The following AOAH variants were observed in gnomAD, a reference collection of about 807,000 sequenced individuals.
AOAH encodes acyloxyacyl hydrolase (neutrophil).
AOAH carries 64 observed loss-of-function variants against 92.2 expected under a neutral mutation model. That is an observed-to-expected ratio of 0.69 (90% CI 0.57 to 0.86). The LOEUF (loss-of-function observed/expected upper bound fraction) is 0.86, where lower values mean the gene tolerates loss of function less well. AOAH is among the 40% of genes least tolerant of loss of function. AOAH has a pLI of 0.00. For missense variants in AOAH, 656 were observed against 694.6 expected (o/e 0.94, Z 0.62); for synonymous variants, 263 against 254.5 (o/e 1.03, Z -0.32).
At chr7:36,545,482 T>C (rs1044266339) in intron 15 of AOAH, among the ~76,000 whole-genome samples, 1 of 152,190 alleles carries the variant, frequency 6.6e-6, no homozygotes, top group African/African-American at 2.4e-5. Flanking sequence ...GCCTGCAACC[T>C]GTCAGTGCCT....
intron 5 of AOAH, among the ~76,000 whole-genome samples, chr7:36,634,441 C>A (rs942411062): frequency 6.6e-6 from 1 of 152,162 alleles, no homozygotes; most frequent in African/African-American, 2.4e-5. Context: ...TCACGTACCC[C>A]CTGCTTGCTC....
At chr7:36,691,764 T>C (rs1320597189) in intron 1 of AOAH, among the ~76,000 whole-genome samples, 2 of 152,222 alleles carry the variant, frequency 1.3e-5, no homozygotes, top group African/African-American at 4.8e-5. Flanking sequence ...CCCAGCCCTT[T>C]GAATCTGGCC....
At position 36,532,268 on chromosome 7, in the gene AOAH, A is replaced by AAGCCAGTG; in HGVS notation, c.1365+10_1365+17dup. The AAGCCAGTG allele has an allele frequency of 2.5e-6, 4 of 1,614,184 alleles. No homozygotes were observed. In the South Asian group the frequency reaches 3.3e-5, roughly 13 times the overall value. On this transcript the variant is annotated intron_variant, in intron 17 of 20. Transcript: ENST00000617537. ...AGGGTAGGTAAGCGGGCCTTGAAGC[A>AAGCCAGTG]AGCCAGTGAGTGCTCACCTGGAGGC...
chr7:36,707,772 G>A (rs930161418), intron 1 of AOAH, among the ~76,000 whole-genome samples: 3 of 152,088 alleles, frequency 2.0e-5, no homozygotes, highest in Non-Finnish European at 4.4e-5. Flanking sequence ...AAGGTATCAA[G>A]ATTTACTTCT....
intron 20 of AOAH, among the ~76,000 whole-genome samples, chr7:36,515,188 CCCACACA>C (rs1783532437): frequency 7.0e-6 from 1 of 142,050 alleles, no homozygotes; most frequent in Non-Finnish European, 1.5e-5. Flanking sequence ...ACACATACCC[CCCACACA>C]CCACACACAA....
chr7:36,528,949 G>T (rs891338848), intron 19 of AOAH, among the ~76,000 whole-genome samples: 3 of 152,086 alleles, frequency 2.0e-5, no homozygotes, highest in South Asian at 2.1e-4. Context: ...CTGGAGTAGG[G>T]CCTGGAATTC....
chr7:36,543,215 G>A (rs1035658199), intron 15 of AOAH, among the ~76,000 whole-genome samples: 3 of 152,122 alleles, frequency 2.0e-5, no homozygotes, highest in Admixed American at 6.5e-5. Flanking sequence ...CAGCTATGAC[G>A]ATTTGCGACT....
intron 11 of AOAH, among the ~76,000 whole-genome samples, chr7:36,603,100 C>T (rs1790724715): frequency 1.3e-5 from 2 of 152,160 alleles, no homozygotes; most frequent in Non-Finnish European, 2.9e-5. Context: ...AGTACAGATC[C>T]TGATTGGGTA....
chr7:36,616,533 CT>C, intron 10 of AOAH, 59 bp from the exon 11 acceptor site: 1 of 1,450,716 alleles, frequency 6.9e-7, no homozygotes, highest in Non-Finnish European at 9.6e-7. Context: ...AACCTCCAGA[CT>C]GGGTAGATAT....
At chr7:36,598,885 A>G (rs1790340040) in intron 11 of AOAH, among the ~76,000 whole-genome samples, 1 of 152,172 alleles carries the variant, frequency 6.6e-6, no homozygotes, top group South Asian at 2.1e-4. Flanking sequence ...GCAAATTAAG[A>G]TTTTCCTCAT....
chr7:36,689,837 G>A (rs1279892447), intron 1 of AOAH, among the ~76,000 whole-genome samples: 1 of 152,202 alleles, frequency 6.6e-6, no homozygotes, highest in African/African-American at 2.4e-5. Flanking sequence ...TAGACTTGAT[G>A]AGATGCAAGA....
intron 14 of AOAH, among the ~76,000 whole-genome samples, 164 bp from the exon 15 acceptor site, chr7:36,548,850 T>C (rs1785987729): frequency 6.6e-6 from 1 of 152,180 alleles, no homozygotes; most frequent in African/African-American, 2.4e-5. Flanking sequence ...CATTCCCATC[T>C]CCCATTTATT....
chr7:36,555,739 T>C (rs1786656489), intron 13 of AOAH, among the ~76,000 whole-genome samples: 2 of 152,250 alleles, frequency 1.3e-5, no homozygotes, highest in South Asian at 4.1e-4. Flanking sequence ...AAGGAATTTA[T>C]CCATTTCTTC....
intron 3 of AOAH, 150 bp downstream of exon 3, chr7:36,673,793 A>G (rs1456948992): frequency 5.3e-6 from 3 of 567,700 alleles, no homozygotes; most frequent in Non-Finnish European, 9.3e-6. Flanking sequence ...TTAGGTTCCA[A>G]TTTTCCACTA....
intron 3 of AOAH, among the ~76,000 whole-genome samples, chr7:36,668,702 G>GTCT (rs1795715945): frequency 6.6e-6 from 1 of 152,194 alleles, no homozygotes; most frequent in Non-Finnish European, 1.5e-5. Context: ...GGCCAAAGTG[G>GTCT]TCTTAAACTC....
chr7:36,554,540 T>A (rs182793662), intron 13 of AOAH, among the ~76,000 whole-genome samples: 8 of 152,246 alleles, frequency 5.3e-5, no homozygotes, highest in African/African-American at 1.7e-4. Flanking sequence ...GGTAGCTTGA[T>A]GGCGATGGCA....
intron 13 of AOAH, among the ~76,000 whole-genome samples, chr7:36,567,252 C>T (rs1787780897): frequency 6.6e-6 from 1 of 152,198 alleles, no homozygotes; most frequent in Non-Finnish European, 1.5e-5. Flanking sequence ...GGATTCCCTG[C>T]TGCTAACAGT....
At chr7:36,596,173 C>CA (rs57178014) in intron 11 of AOAH, among the ~76,000 whole-genome samples, 25,378 of 145,014 alleles carry the variant, frequency 0.18, 2,054 homozygotes, top group Middle Eastern at 0.22. Flanking sequence ...GCCCCCCCAC[C>CA]CCCCGTCACC....
At chr7:36,697,941 T>C (rs539388254) in intron 1 of AOAH, among the ~76,000 whole-genome samples, 1 of 152,112 alleles carries the variant, frequency 6.6e-6, no homozygotes, top group Non-Finnish European at 1.5e-5. Flanking sequence ...ATGTGAAGGA[T>C]TGCTGGCAAC....
Sources: allele counts gnomAD v4.1 joint callset (sites outside exome capture counted in the v4.1 genomes callset), GRCh38; gene constraint gnomAD v4.1.1; transcripts MANE v1.5; gene names NCBI Gene and HGNC (gene_info 2026-07-23, HGNC 2026-07-21).